AHR: variants seen among roughly 807,000 people sequenced by gnomAD.
The protein encoded by AHR is AH-receptor.
A neutral mutation model predicts 86.8 loss-of-function variants in AHR; 40 were observed. The observed-to-expected ratio is 0.46, with a 90% CI of 0.36 to 0.60. The LOEUF (loss-of-function observed/expected upper bound fraction) is 0.60, where lower values mean the gene tolerates loss of function less well. Ranked by LOEUF, AHR falls within the 20% of genes least tolerant of loss-of-function variation. The probability of loss-of-function intolerance (pLI) is 0.00; values close to 1 mark genes in which losing one functional copy is unlikely to be tolerated. For synonymous variants in AHR, 398 were observed against 354.9 expected (o/e 1.12, Z -1.37); for missense variants, 1,001 against 1,011.6 (o/e 0.99, Z 0.14).
At chr7:17,333,182 T>A (rs1260856696) in intron 6 of AHR, among the ~76,000 whole-genome samples, 1 of 151,924 alleles carries the variant, frequency 6.6e-6, no homozygotes, top group Non-Finnish European at 1.5e-5. Flanking sequence ...TAAGGACACA[T>A]TTCACAGAAC....
chr7:17,338,332 T>C (rs1782378138), intron 9 of AHR, among the ~76,000 whole-genome samples: 1 of 152,076 alleles, frequency 6.6e-6, no homozygotes, highest in African/African-American at 2.4e-5. Context: ...TTCTTAACTT[T>C]CTAATTCCTA....
chr7:17,335,798 T>C lies in AHR; in HGVS notation c.1160+12T>C, dbSNP rs753260099. 6.2e-7 allele frequency: 1 copy of C among 1,606,482 alleles called. No homozygotes were observed. The highest frequency in any genetic ancestry group is 1.1e-5 in the South Asian group (1 of 89,118). ...CAGAGACCACTAACGTAAGCACAAATAATGTTTCCTGTTTTAACAGTTTTG... is the reference window on the plus strand; with the variant it reads ...CAGAGACCACTAACGTAAGCACAAACAATGTTTCCTGTTTTAACAGTTTTG... On this transcript the variant is annotated intron_variant, in intron 9 of 10. Coordinates refer to ENST00000242057, the MANE Select transcript of AHR (RefSeq NM_001621.5).
rs1041271690 is a variant in AHR, at chr7:17,298,843, C to T, written c.-422C>T. On this transcript the variant is annotated 5_prime_UTR_variant, in exon 1 of 11. Transcript: ENST00000242057. Reference sequence around the variant, plus strand: ...GAGCAGCGCGGCGGCACCTCCCTCACCCAAGGGGCCGCGGCGACGGTCACG... The same window carrying T: ...GAGCAGCGCGGCGGCACCTCCCTCATCCAAGGGGCCGCGGCGACGGTCACG... 2.5e-6 allele frequency: 1 copy of T among 398,960 alleles called. No homozygotes were observed. The highest frequency in any genetic ancestry group is 4.4e-6 in the Non-Finnish European group (1 of 226,370). 24.7% of individuals were successfully genotyped at this position (398,960 alleles called of 1,614,324 possible). A position where few individuals can be genotyped will look rare whatever the true frequency, so the allele number is the denominator to read the frequency against.
chr7:17,336,580 G>C (rs1782356632), intron 9 of AHR, among the ~76,000 whole-genome samples: 1 of 152,100 alleles, frequency 6.6e-6, no homozygotes, highest in South Asian at 2.1e-4. Flanking sequence ...CTGAAAATCT[G>C]TTGAGATTTT....
intron 7 of AHR, among the ~76,000 whole-genome samples, 173 bp from the exon 8 acceptor site, chr7:17,334,714 A>T (rs1328677481): frequency 6.6e-6 from 1 of 152,058 alleles, no homozygotes; most frequent in African/African-American, 2.4e-5. Context: ...ATCATAAGCA[A>T]AGAAGATCAG....
intron 3 of AHR, among the ~76,000 whole-genome samples, chr7:17,324,655 A>C (rs1782209424): frequency 6.6e-6 from 1 of 152,108 alleles, no homozygotes; most frequent in African/African-American, 2.4e-5. Context: ...ACAAAAAATT[A>C]GCTGGGTGTG....
At position 17,299,341 on chromosome 7, in the gene AHR, G is replaced by A. The variant is rs1562471893; in HGVS notation, c.65+12G>A. 6.2e-7 allele frequency: 1 copy of A among 1,611,242 alleles called. No homozygotes were observed. On this transcript the variant is annotated intron_variant, in intron 1 of 10. Coordinates refer to ENST00000242057, the MANE Select transcript of AHR (RefSeq NM_001621.5). The stretch of plus-strand genomic sequence containing the variant: ...CCGGTGCAGAAAACGTGAGTGTCCC[G>A]AGCGCGTCCTCATCGCGGGGGCTGG...
chr7:17,330,113 T>C (rs748347966), intron 5 of AHR, 38 bp downstream of exon 5: 20 of 1,591,662 alleles, frequency 1.3e-5, no homozygotes, highest in Middle Eastern at 1.7e-4. Flanking sequence ...GTTGGTAGTT[T>C]TTAAATATGA....
At position 17,310,051 on chromosome 7, in the gene AHR, A is replaced by G. The variant is rs765180670; in HGVS notation, c.181A>G (p.Ile61Val). 1.2e-6 allele frequency: 2 copies of G among 1,614,046 alleles called. No individual in the cohort carries two copies. The highest frequency in any genetic ancestry group is 3.3e-5 in the Admixed American group (2 of 60,012). ...CCTGCTGCCTTTCCCACAAGATGTT[A>G]TTAATAAGTTGGACAAACTTTCAGT... Reference protein sequence around the residue: ...ASLLPFPQDVINKLDKLSVLR... With the variant: ...ASLLPFPQDVVNKLDKLSVLR... Residue 61 changes from isoleucine (I) to valine (V), a missense_variant, in exon 2 of 11, where the codon ATT (isoleucine) becomes GTT (valine). Transcript: ENST00000242057.
chr7:17,332,901 TC>T, intron 6 of AHR, among the ~76,000 whole-genome samples: 1 of 151,994 alleles, frequency 6.6e-6, no homozygotes, highest in East Asian at 1.9e-4. Context: ...CAACTTTCAG[TC>T]CTGCCTACCT....
rs1351443826 is a variant in AHR, at chr7:17,342,992, A to C, written c.2475A>C (p.Thr825=). 1.9e-6 allele frequency: 3 copies of C among 1,613,598 alleles called. No homozygotes were observed. In the South Asian group the frequency reaches 3.3e-5, roughly 18 times the overall value. The change falls in exon 11 of 11, where the codon ACA becomes ACC. Residue 825 remains threonine (T), a synonymous_variant. Transcript: ENST00000242057. ...LNNINNTQTT[T]HLQPLHHPSE... ...ACATAAATAACACTCAGACTACCAC[A>C]CATCTTCAGCCACTTCATCATCCGT...
At chr7:17,302,562 C>T (rs1421783727) in intron 1 of AHR, among the ~76,000 whole-genome samples, 1 of 151,900 alleles carries the variant, frequency 6.6e-6, no homozygotes, top group South Asian at 2.1e-4. Context: ...CTTTAGATAG[C>T]ATATACATAG....
At chr7:17,330,557 A>G (rs3802082) in intron 5 of AHR, among the ~76,000 whole-genome samples, 199 bp from the exon 6 acceptor site, 13 of 151,864 alleles carry the variant, frequency 8.6e-5, no homozygotes, top group Admixed American at 8.5e-4. Context: ...ATAAAAATTT[A>G]AAAAATTATG....
At chr7:17,309,764 C>G (rs1450287379) in intron 1 of AHR, among the ~76,000 whole-genome samples, 172 bp from the exon 2 acceptor site, 2 of 152,146 alleles carry the variant, frequency 1.3e-5, no homozygotes, top group African/African-American at 4.8e-5. Flanking sequence ...AACCCATTCC[C>G]TGTTTTTCTT....
rs1410854688 is a variant in AHR, at chr7:17,345,205, C to T, written c.*2141C>T. 1 of 151,694 alleles carries T rather than the reference C, an allele frequency of 6.6e-6. No individual in the cohort carries two copies. Among genetic ancestry groups the T allele is most frequent in the African/African-American group, 2.4e-5 (1 of 41,288 alleles). 9.4% of individuals were successfully genotyped at this position (151,694 alleles called of 1,614,324 possible). A position where few individuals can be genotyped will look rare whatever the true frequency, so the allele number is the denominator to read the frequency against. On this transcript the variant is annotated 3_prime_UTR_variant, in exon 11 of 11. Transcript: ENST00000242057. ...TGGCGTGAGCCTGTAGTCCTAGCTA[C>T]TCAGGAGGCTGAGGCAGGAGAATAG...
Position 17,343,051 on chromosome 7 carries a change from G to C in AHR, c.2534G>C (p.Ser845Thr). Residue 845 changes from serine (S) to threonine (T), a missense_variant, in exon 11 of 11, where the codon AGT becomes ACT. Transcript: ENST00000242057. ...EARPFPDLTSSGFL is the reference protein window; with the variant it reads ...EARPFPDLTSTGFL The stretch of plus-strand genomic sequence containing the variant: ...AGACCTTTTCCTGATTTGACATCCA[G>C]TGGATTCCTGTAATTCCAAGCCCAA... The C allele has an allele frequency of 6.2e-7, 1 of 1,613,764 alleles. No individual in the cohort carries two copies. Among genetic ancestry groups the C allele is most frequent in the Middle Eastern group, 1.6e-4 (1 of 6,062 alleles).
At chr7:17,326,384 T>G (rs189343781) in intron 3 of AHR, among the ~76,000 whole-genome samples, 3 of 152,306 alleles carry the variant, frequency 2.0e-5, no homozygotes, top group African/African-American at 4.8e-5. Context: ...CTGGACTATA[T>G]GTGAGCAGCA....
chr7:17,327,587 A>T lies in AHR; in HGVS notation c.361-172A>T, dbSNP rs867863191. ...GCCATTTTTCCATAGACAAATCAAAAGGTATGAATAGATATTTCTTAGTCC... is the reference window on the plus strand; with the variant it reads ...GCCATTTTTCCATAGACAAATCAAATGGTATGAATAGATATTTCTTAGTCC... On this transcript the variant is annotated intron_variant, in intron 3 of 10. Coordinates refer to ENST00000242057, the MANE Select transcript of AHR (RefSeq NM_001621.5). Among the ~76,000 whole-genome samples, 59 of 152,072 alleles carry T rather than the reference A, an allele frequency of 3.9e-4. No individual in the cohort carries two copies. The Middle Eastern group carries it at 0.014, about 35-fold the overall frequency.
chr7:17,338,866 A>G (rs529258834), intron 9 of AHR, 120 bp from the exon 10 acceptor site: 1 of 982,702 alleles, frequency 1.0e-6, no homozygotes, highest in African/African-American at 1.6e-5. Flanking sequence ...AAAATAAAAT[A>G]TGTCCCTTTC....
Sources: allele counts gnomAD v4.1 joint callset (sites outside exome capture counted in the v4.1 genomes callset), GRCh38; gene constraint gnomAD v4.1.1; transcripts MANE v1.5; gene names NCBI Gene and HGNC (gene_info 2026-07-23, HGNC 2026-07-21).